DENND1A: variants seen among roughly 807,000 people sequenced by gnomAD.
DENND1A encodes DENN domain-containing protein 1A.
DENND1A carries 51 observed loss-of-function variants against 113.7 expected under a neutral mutation model. That is an observed-to-expected ratio of 0.45 (90% confidence interval 0.36 to 0.57). The LOEUF (loss-of-function observed/expected upper bound fraction) is 0.57, where lower values mean the gene tolerates loss of function less well. DENND1A is among the 20% of genes least tolerant of loss of function. The pLI, the probability that DENND1A is intolerant of heterozygous loss-of-function variation, is 0.00. For synonymous variants in DENND1A, 565 were observed against 570.8 expected, an observed-to-expected ratio of 0.99 and a Z score of 0.14; for missense variants, 1,258 against 1,395.9, an observed-to-expected ratio of 0.90 and a Z score of 1.57.
chr9:123,821,315 A>ATC (rs1421799827), intron 2 of DENND1A, among the ~76,000 whole-genome samples: 1 of 152,182 alleles, frequency 6.6e-6, no homozygotes, highest in East Asian at 1.9e-4. Flanking sequence ...TTATATATAT[A>ATC]TCTCTTACAT....
intron 13 of DENND1A, among the ~76,000 whole-genome samples, chr9:123,495,053 A>G (rs2051743683): frequency 6.6e-6 from 1 of 151,664 alleles, no homozygotes; most frequent in South Asian, 2.1e-4. Flanking sequence ...TGGCCTCTCA[A>G]AGTGCTGGGA....
intron 19 of DENND1A, among the ~76,000 whole-genome samples, chr9:123,433,306 T>C (rs533610809): frequency 8.3e-4 from 126 of 152,336 alleles, no homozygotes; most frequent in African/African-American, 2.9e-3. Context: ...CTGTGCTTCA[T>C]CCACTCTAAC....
rs1032567726 is a variant in DENND1A at position 123,566,371 on chromosome 9, G to A, written c.868-8676C>T. ...CCTGGTTCTCCATGGGGGAGTGAGG[G>A]CTGTGCTATTTATGTGGAGTTCCAT... On this transcript the variant is annotated intron_variant, in intron 12 of 23. Coordinates refer to ENST00000394215, the MANE Select transcript of DENND1A (RefSeq NM_001352964.2). 2.6e-5 allele frequency among the ~76,000 whole-genome samples: 4 copies of A among 152,080 alleles called. 1 individual carries two copies. The highest frequency in any genetic ancestry group is 2.6e-4 in the Admixed American group (4 of 15,270).
In DENND1A at chr9:123,493,022, AG is replaced by A. The variant is rs548920027; in HGVS notation, c.994-35126del. Reference sequence around the variant, plus strand: ...CCACCTGAGGAACCCCTGCTGAGGCAGCTGACTTGCCCAGTGGTCTACTACA... The same window carrying A: ...CCACCTGAGGAACCCCTGCTGAGGCACTGACTTGCCCAGTGGTCTACTACA... On this transcript the variant is annotated intron_variant, in intron 13 of 23. Coordinates refer to ENST00000394215, the MANE Select transcript of DENND1A (RefSeq NM_001352964.2). 137 of 152,402 alleles carry A rather than the reference AG, an allele frequency of 9.0e-4. 1 individual carries two copies. Among genetic ancestry groups the A allele is most frequent in the African/African-American group, 2.9e-3 (119 of 41,566 alleles). The allele number at this position is 152,402 out of a possible 1,614,324, so 9.4% of individuals were successfully genotyped here. A position where few individuals can be genotyped will look rare whatever the true frequency, so the allele number is the denominator to read the frequency against.
At chr9:123,812,411 G>T (rs1345880139) in intron 2 of DENND1A, among the ~76,000 whole-genome samples, 2 of 150,800 alleles carry the variant, frequency 1.3e-5, no homozygotes, top group African/African-American at 4.9e-5. Context: ...GATCATTTAG[G>T]TTTTAAGGAT....
At position 123,436,985 on chromosome 9, in the gene DENND1A, A is replaced by C. The variant is rs563278800; in HGVS notation, c.1488+3375T>G. On this transcript the variant is annotated intron_variant, in intron 19 of 23. Coordinates refer to ENST00000394215, the MANE Select transcript of DENND1A (RefSeq NM_001352964.2). ...CTACTGACAAAAGCATCTTTTAATT[A>C]AAGTGTCCAACTTGGGACTATGAGG... 2.0e-5 allele frequency among the ~76,000 whole-genome samples: 3 copies of C among 152,334 alleles called. No homozygotes were observed. In the South Asian group the frequency reaches 6.2e-4, roughly 32 times the overall value.
At chr9:123,639,978 C>A (rs1319262927) in intron 9 of DENND1A, among the ~76,000 whole-genome samples, 1 of 152,066 alleles carries the variant, frequency 6.6e-6, no homozygotes, top group African/African-American at 2.4e-5. Flanking sequence ...TGTTGAGGAA[C>A]CTGTATAAGG....
chr9:123,459,506 T>C (rs1214139304), intron 13 of DENND1A, among the ~76,000 whole-genome samples: 1 of 152,138 alleles, frequency 6.6e-6, no homozygotes, highest in Non-Finnish European at 1.5e-5. Context: ...TACCAAACCA[T>C]GTTTTATGAG....
chr9:123,506,450 C>T (rs1163722069), intron 13 of DENND1A, among the ~76,000 whole-genome samples: 2 of 151,704 alleles, frequency 1.3e-5, no homozygotes, highest in East Asian at 1.9e-4. Context: ...GGCATGGTGG[C>T]GTGCACCTGT....
At chr9:123,596,509 C>T (rs1214142523) in intron 11 of DENND1A, among the ~76,000 whole-genome samples, 1 of 152,176 alleles carries the variant, frequency 6.6e-6, no homozygotes, top group Non-Finnish European at 1.5e-5. Flanking sequence ...ACCTGAAGCT[C>T]CAAGAGGTAC....
In DENND1A at chr9:123,847,744, G is replaced by C. The variant is rs141216398; in HGVS notation, c.88+31207C>G. 7.2e-3 allele frequency among the ~76,000 whole-genome samples: 1,090 copies of C among 152,288 alleles called. 8 individuals carry two copies. The highest frequency in any genetic ancestry group is 0.014 in the Middle Eastern group (4 of 294). Reference sequence around the variant, plus strand: ...GAGGGCAGGAGTTTGAGACCTGCCTGGCCAATATGGCAAAACCTTGTCTCT... The same window carrying C: ...GAGGGCAGGAGTTTGAGACCTGCCTCGCCAATATGGCAAAACCTTGTCTCT... On this transcript the variant is annotated intron_variant, in intron 2 of 23. Transcript: ENST00000394215.
chr9:123,879,275 G>A (rs1411704867), intron 1 of DENND1A, among the ~76,000 whole-genome samples: 2 of 152,152 alleles, frequency 1.3e-5, no homozygotes, highest in African/African-American at 2.4e-5. Flanking sequence ...GCTCACACCT[G>A]TAATCCCAGC....
chr9:123,431,026 A>G (rs2046097846), intron 19 of DENND1A, among the ~76,000 whole-genome samples: 1 of 152,162 alleles, frequency 6.6e-6, no homozygotes, highest in African/African-American at 2.4e-5. Flanking sequence ...GCAAAAAACA[A>G]AAACCAAAAA....
intron 5 of DENND1A, among the ~76,000 whole-genome samples, chr9:123,748,297 A>ATT (rs1411472499): frequency 6.6e-6 from 1 of 152,172 alleles, no homozygotes; most frequent in Non-Finnish European, 1.5e-5. Flanking sequence ...GGGATGAGAG[A>ATT]TTTCTTTTCT....
chr9:123,399,942 G>A (rs4466467), intron 21 of DENND1A, among the ~76,000 whole-genome samples: 14,407 of 152,246 alleles, frequency 0.095, 735 homozygotes, highest in Middle Eastern at 0.17. Flanking sequence ...GCCCAAGAGG[G>A]CCTAGAAATC....
intron 2 of DENND1A, among the ~76,000 whole-genome samples, chr9:123,823,151 G>A (rs1838758648): frequency 6.6e-6 from 1 of 152,116 alleles, no homozygotes; most frequent in Non-Finnish European, 1.5e-5. Flanking sequence ...CAAAAAACTA[G>A]AGTGTATGGA....
chr9:123,616,366 T>C (rs1293274580), intron 10 of DENND1A, among the ~76,000 whole-genome samples: 2 of 152,226 alleles, frequency 1.3e-5, no homozygotes, highest in East Asian at 1.9e-4. Context: ...TTAACCATTA[T>C]GCTACTGTCG....
At chr9:123,400,389 G>A (rs2043369367) in intron 21 of DENND1A, 1 of 152,236 alleles carries the variant, frequency 6.6e-6, no homozygotes, top group African/African-American at 2.4e-5. Context: ...CTTGCTGAAT[G>A]AATGAATGCA....
chr9:123,872,924 C>T (rs982036835), intron 2 of DENND1A, among the ~76,000 whole-genome samples: 1 of 152,146 alleles, frequency 6.6e-6, no homozygotes, highest in African/African-American at 2.4e-5. Flanking sequence ...GAATTAATCC[C>T]TCTAGGGGGA....
Sources: gnomAD v4.1 joint callset for allele counts (sites outside exome capture counted in the v4.1 genomes callset) on GRCh38, gnomAD v4.1.1 for gene constraint, MANE v1.5 for transcripts, NCBI Gene and HGNC (gene_info 2026-07-23, HGNC 2026-07-21) for gene names.